The following HDAC5 variants were observed in gnomAD, a reference collection of about 807,000 sequenced individuals.
HDAC5 encodes the protein histone deacetylase 5.
Under a neutral mutation model 133.3 loss-of-function variants are expected in HDAC5, and 25 were observed. That is an observed-to-expected ratio of 0.19 (90% confidence interval 0.14 to 0.26). The LOEUF is 0.26. Ranked by LOEUF, HDAC5 falls within the 10% of genes least tolerant of loss-of-function variation. The pLI is 1.00. For synonymous variants in HDAC5, 589 were observed against 610.8 expected (o/e 0.96, Z 0.53); for missense variants, 1,041 against 1,460.5 (o/e 0.71, Z 4.68).
intron 3 of HDAC5, among the ~76,000 whole-genome samples, chr17:44,106,784 C>T: frequency 6.6e-6 from 1 of 151,874 alleles, no homozygotes; most frequent in Middle Eastern, 3.2e-3. Flanking sequence ...GACGGGGTTT[C>T]TCCATGTTGG....
At chr17:44,082,460 C>T (rs1807937173) in intron 20 of HDAC5, 125 bp downstream of exon 20, 3 of 727,854 alleles carry the variant, frequency 4.1e-6, no homozygotes, top group African/African-American at 3.5e-5. Flanking sequence ...GCACCCACAC[C>T]CAGCACCCGA....
intron 3 of HDAC5, among the ~76,000 whole-genome samples, chr17:44,094,695 C>T (rs747088477): frequency 6.6e-6 from 1 of 151,704 alleles, no homozygotes; most frequent in Non-Finnish European, 1.5e-5. Context: ...TGTGACTACT[C>T]GACGCATTTT....
At chr17:44,109,374 G>C (rs2052194784) in intron 3 of HDAC5, among the ~76,000 whole-genome samples, 1 of 152,148 alleles carries the variant, frequency 6.6e-6, no homozygotes, top group South Asian at 2.1e-4. Context: ...CCTGTGTAGG[G>C]GGCCCCCAGG....
chr17:44,079,354 A>G, intron 23 of HDAC5, 77 bp from the exon 24 acceptor site: 1 of 1,485,024 alleles, frequency 6.7e-7, no homozygotes, highest in Middle Eastern at 1.8e-4. Flanking sequence ...AAGAGGAGAG[A>G]AAAAAGGCCA....
At chr17:44,110,118 G>GC (rs1358558606) in intron 3 of HDAC5, among the ~76,000 whole-genome samples, 1 of 152,216 alleles carries the variant, frequency 6.6e-6, no homozygotes, top group Non-Finnish European at 1.5e-5. Context: ...GGAGAGGAGC[G>GC]CCATCGGGAG....
chr17:44,084,737 C>A (rs2050567143), intron 15 of HDAC5, 62 bp from the exon 16 acceptor site: 1 of 1,586,422 alleles, frequency 6.3e-7, no homozygotes, highest in Admixed American at 1.7e-5. Context: ...GCCTCTCTGC[C>A]CCATAGCCAG....
chr17:44,080,924 C>A (rs1480595776), intron 20 of HDAC5, 42 bp from the exon 21 acceptor site: 1 of 1,613,494 alleles, frequency 6.2e-7, no homozygotes, highest in Admixed American at 1.7e-5. Flanking sequence ...GGCCCGCGCT[C>A]TGACCCAATG....
At chr17:44,103,170 A>G (rs1048189434) in intron 3 of HDAC5, among the ~76,000 whole-genome samples, 14 of 152,208 alleles carry the variant, frequency 9.2e-5, no homozygotes, top group African/African-American at 3.1e-4. Context: ...GAGGCGGAGA[A>G]CAACATTTCA....
rs2050357318 is a variant in HDAC5, at chr17:44,080,891, G to T, written c.2608-9C>A. On this transcript the variant is annotated splice_polypyrimidine_tract_variant and intron_variant, in intron 20 of 26. Transcript: ENST00000682912. ...TTGCCATGGTGAATGTCCTATGAGG[G>T]GAGGTAGAAGCATCGGGAAAATGGC... 6.2e-7 allele frequency: 1 copy of T among 1,614,098 alleles called. No individual in the cohort carries two copies. Among genetic ancestry groups the T allele is most frequent in the East Asian group, 2.2e-5 (1 of 44,876 alleles).
At chr17:44,078,471 G>A (rs1481856648) in intron 26 of HDAC5, 29 bp downstream of exon 26, 1 of 1,590,570 alleles carries the variant, frequency 6.3e-7, no homozygotes, top group Non-Finnish European at 8.6e-7. Context: ...AGGGGTGAGG[G>A]CAGAGAGGTG....
At chr17:44,104,535 G>A (rs1287177720) in intron 3 of HDAC5, among the ~76,000 whole-genome samples, 5 of 152,014 alleles carry the variant, frequency 3.3e-5, no homozygotes, top group East Asian at 3.9e-4. Flanking sequence ...ACACAAACCC[G>A]TGCAGCCAGC....
Position 44,093,726 on chromosome 17 carries a change from T to A in HDAC5, c.203A>T (p.Asp68Val). 6.2e-7 allele frequency: 1 copy of A among 1,605,158 alleles called. No individual in the cohort carries two copies. The highest frequency in any genetic ancestry group is 8.5e-7 in the Non-Finnish European group (1 of 1,176,152). The change falls in exon 4 of 27, where the codon GAC becomes GTC. Residue 68 changes from aspartate to valine, a missense_variant. Physicochemically the swap from Asp to Val is radical, Grantham distance 152 (BLOSUM62 -3). Around this residue, in one of 9 missense-constraint regions of HDAC5, gnomAD observed 93 missense variants for 98.8 expected, o/e 0.94. Coordinates refer to ENST00000682912, the MANE Select transcript of HDAC5 (RefSeq NM_005474.5). ...ELRGALVGSV[D>V]PTLREQQLQQ... The stretch of plus-strand genomic sequence containing the variant: ...CAGTTGCTGCTCCCGCAGTGTGGGG[T>A]CCACAGAGCCCACCAGAGCCCCCCG...
Position 44,078,074 on chromosome 17 carries a change from G to A in HDAC5, c.*302C>T, listed in dbSNP as rs74679777. The stretch of plus-strand genomic sequence containing the variant: ...ACTGGAGAGTACTGTCTGGGCCCCC[G>A]TGCCCACCTTGAGCTGGCCCAGGCT... On this transcript the variant is annotated 3_prime_UTR_variant, in exon 27 of 27. Transcript: ENST00000682912. 6,441 of 310,350 alleles carry A rather than the reference G, an allele frequency of 0.021. 101 individuals are homozygous for A. Among genetic ancestry groups the A allele is most frequent in the Non-Finnish European group, 0.027 (4,590 of 168,740 alleles). The allele number at this position is 310,350 out of a possible 1,614,324, so 19.2% of individuals were successfully genotyped here.
At chr17:44,098,471 G>A (rs2051397542) in intron 3 of HDAC5, among the ~76,000 whole-genome samples, 1 of 152,220 alleles carries the variant, frequency 6.6e-6, no homozygotes, top group African/African-American at 2.4e-5. Context: ...AGGCGCAGTG[G>A]CTCATGCCTG....
At chr17:44,102,610 C>T (rs1400853271) in intron 3 of HDAC5, among the ~76,000 whole-genome samples, 2 of 151,516 alleles carry the variant, frequency 1.3e-5, no homozygotes, top group Non-Finnish European at 2.9e-5. Context: ...CCGCCTGCCT[C>T]GGCCTCCCAA....
At chr17:44,094,765 T>TAC (rs1172121634) in intron 3 of HDAC5, among the ~76,000 whole-genome samples, 1 of 151,894 alleles carries the variant, frequency 6.6e-6, no homozygotes, top group African/African-American at 2.4e-5. Flanking sequence ...TATATATATA[T>TAC]ATACACACAC....
intron 12 of HDAC5, among the ~76,000 whole-genome samples, chr17:44,087,920 T>C (rs2050747317): frequency 6.6e-6 from 1 of 152,096 alleles, no homozygotes; most frequent in African/African-American, 2.4e-5. Flanking sequence ...CTCGGCTCAC[T>C]GCAACCTCCG....
intron 1 of HDAC5, among the ~76,000 whole-genome samples, chr17:44,121,566 C>T (rs1855767962): frequency 6.6e-6 from 1 of 151,954 alleles, no homozygotes; most frequent in Non-Finnish European, 1.5e-5. Flanking sequence ...GCTGGTACTT[C>T]AGCACCGACT....
chr17:44,110,927 G>C, intron 2 of HDAC5, 127 bp from the exon 3 acceptor site: 1 of 763,470 alleles, frequency 1.3e-6, no homozygotes. Flanking sequence ...AAGGGAAGGT[G>C]GTCGGGCAGC....
Sources: allele counts gnomAD v4.1 joint callset (sites outside exome capture counted in the v4.1 genomes callset), GRCh38; gene constraint gnomAD v4.1.1; regional missense constraint gnomAD v4.1.1; transcripts MANE v1.5; gene names NCBI Gene and HGNC (gene_info 2026-07-23, HGNC 2026-07-21).